PPFIA2: variants seen among roughly 807,000 people sequenced by gnomAD.
The protein encoded by PPFIA2 is liprin-alpha-2.
In PPFIA2, 46 loss-of-function variants were observed where a neutral mutation model predicts 175.5. That is an observed-to-expected ratio of 0.26 (90% CI 0.21 to 0.34). PPFIA2 has a LOEUF of 0.34. Ranked by LOEUF, PPFIA2 falls within the 10% of genes least tolerant of loss-of-function variation. PPFIA2 has a pLI of 1.00. For synonymous variants in PPFIA2, 568 were observed against 511.4 expected, an observed-to-expected ratio of 1.11 and a Z score of -1.49; for missense variants, 1,179 against 1,506.1, an observed-to-expected ratio of 0.78 and a Z score of 3.60.
At chr12:81,352,724 A>T (rs2140925167) in intron 17 of PPFIA2, among the ~76,000 whole-genome samples, 1 of 152,270 alleles carries the variant, frequency 6.6e-6, no homozygotes, top group Non-Finnish European at 1.5e-5. Context: ...TGGTACCTTT[A>T]TTGCAGTATG....
intron 6 of PPFIA2, 60 bp downstream of exon 6, chr12:81,445,496 A>C: frequency 6.6e-7 from 1 of 1,516,684 alleles, no homozygotes; most frequent in Non-Finnish European, 9.0e-7. Flanking sequence ...GATGAAGACA[A>C]AGAGCTTGAT....
chr12:81,443,012 G>C (rs2050519288), intron 6 of PPFIA2, among the ~76,000 whole-genome samples: 1 of 149,044 alleles, frequency 6.7e-6, no homozygotes, highest in Non-Finnish European at 1.5e-5. Context: ...TGAGTCCCTC[G>C]ACAACTAAAT....
chr12:81,386,121 A>T lies in PPFIA2; in HGVS notation c.763-1877T>A, dbSNP rs906666614. ...AAGGCCTCATTTCTAGAAAAAAATTAAAAAAAAAAAATAGGGTGTGGTGGC... is the reference window on the plus strand; with the variant it reads ...AAGGCCTCATTTCTAGAAAAAAATTTAAAAAAAAAAATAGGGTGTGGTGGC... On this transcript the variant is annotated intron_variant, in intron 8 of 32. Transcript: ENST00000549396. Among the ~76,000 whole-genome samples, 4 of 139,844 alleles carry T rather than the reference A, an allele frequency of 2.9e-5. No homozygotes were observed. The South Asian group carries it at 9.1e-4, about 32-fold the overall frequency. The allele number at this position is 139,844 out of a possible 152,430, so 91.7% of individuals were successfully genotyped here. A position where few individuals can be genotyped will look rare whatever the true frequency, so the allele number is the denominator to read the frequency against.
At chr12:81,278,977 G>C (rs935692027) in intron 27 of PPFIA2, among the ~76,000 whole-genome samples, 1 of 152,154 alleles carries the variant, frequency 6.6e-6, no homozygotes, top group Non-Finnish European at 1.5e-5. Flanking sequence ...AATTGCATTA[G>C]GCAGGTGTTG....
intron 4 of PPFIA2, among the ~76,000 whole-genome samples, chr12:81,542,055 T>A (rs1183483575): frequency 6.6e-6 from 1 of 152,040 alleles, no homozygotes; most frequent in African/African-American, 2.4e-5. Flanking sequence ...TCTGTTCTAA[T>A]CCCTGGAACT....
chr12:81,562,918 T>C (rs2070492443), intron 4 of PPFIA2, among the ~76,000 whole-genome samples: 1 of 149,486 alleles, frequency 6.7e-6, no homozygotes, highest in Admixed American at 6.6e-5. Context: ...ACAGTGAATA[T>C]TTCCAATAGG....
At chr12:81,726,505 G>A (rs1407113235) in intron 3 of PPFIA2, among the ~76,000 whole-genome samples, 1 of 151,222 alleles carries the variant, frequency 6.6e-6, no homozygotes, top group Non-Finnish European at 1.5e-5. Flanking sequence ...TTGAGCTACT[G>A]AAAACTTGCA....
intron 4 of PPFIA2, among the ~76,000 whole-genome samples, chr12:81,581,511 C>T (rs2074397732): frequency 6.6e-6 from 1 of 151,778 alleles, no homozygotes; most frequent in Non-Finnish European, 1.5e-5. Context: ...ATTTAAACTG[C>T]ACACTCTAAC....
intron 28 of PPFIA2, among the ~76,000 whole-genome samples, chr12:81,271,820 C>G (rs1198338941): frequency 6.6e-6 from 1 of 152,100 alleles, no homozygotes; most frequent in African/African-American, 2.4e-5. Context: ...TTTACCCATA[C>G]ATTTTTCAGT....
intron 6 of PPFIA2, among the ~76,000 whole-genome samples, chr12:81,445,208 G>C (rs1439554390): frequency 8.8e-6 from 1 of 113,532 alleles, no homozygotes; most frequent in African/African-American, 4.4e-5. Flanking sequence ...GACCAAGGTG[G>C]GGGGGGGGGA....
chr12:81,704,511 A>G (rs962566484), intron 3 of PPFIA2, among the ~76,000 whole-genome samples: 1 of 152,092 alleles, frequency 6.6e-6, no homozygotes, highest in Non-Finnish European at 1.5e-5. Flanking sequence ...ATAAAACTTA[A>G]TGATAGCAAA....
intron 3 of PPFIA2, among the ~76,000 whole-genome samples, chr12:81,686,213 G>A (rs1296513756): frequency 6.6e-6 from 1 of 152,062 alleles, no homozygotes; most frequent in East Asian, 1.9e-4. Flanking sequence ...TGAGGTGGCT[G>A]ATATCCTCTG....
chr12:81,416,837 GAGTT>G (rs1324464465), intron 7 of PPFIA2, among the ~76,000 whole-genome samples: 1 of 151,698 alleles, frequency 6.6e-6, no homozygotes, highest in Non-Finnish European at 1.5e-5. Flanking sequence ...TAAAGATACT[GAGTT>G]AGGCTGAGAA....
intron 9 of PPFIA2, among the ~76,000 whole-genome samples, chr12:81,382,865 T>C (rs1487438332): frequency 6.6e-6 from 1 of 151,994 alleles, no homozygotes; most frequent in East Asian, 1.9e-4. Context: ...GCCATGAGAC[T>C]GCAGAAATTC....
intron 7 of PPFIA2, chr12:81,417,381 CAAATGTGTCG>C (rs59525608): frequency 0.23 from 34,445 of 151,166 alleles, 5,206 homozygotes; most frequent in East Asian, 0.46. Flanking sequence ...CCAATCATGG[CAAATGTGTCG>C]AAATTATAGG....
chr12:81,737,710 A>G lies in PPFIA2; in HGVS notation c.249+16263T>C, dbSNP rs371141830. Among the ~76,000 whole-genome samples the G allele has an allele frequency of 8.0e-4, 122 of 152,182 alleles. 1 individual carries two copies. The highest frequency in any genetic ancestry group is 2.8e-3 in the African/African-American group (117 of 41,562). Reference sequence around the variant, plus strand: ...AACAAATGGAAAAGAATGTTTAAAGATAGTAATCACAACAAAATATTAAAT... The same window carrying G: ...AACAAATGGAAAAGAATGTTTAAAGGTAGTAATCACAACAAAATATTAAAT... On this transcript the variant is annotated intron_variant, in intron 3 of 32. Coordinates refer to ENST00000549396, the MANE Select transcript of PPFIA2 (RefSeq NM_003625.5).
intron 21 of PPFIA2, among the ~76,000 whole-genome samples, chr12:81,328,964 C>T (rs866399939): frequency 2.0e-5 from 3 of 151,820 alleles, no homozygotes; most frequent in East Asian, 1.9e-4. Context: ...CCACTATGCC[C>T]GGCTAGTTTT....
At chr12:81,570,445 C>T (rs1051254283) in intron 4 of PPFIA2, among the ~76,000 whole-genome samples, 1 of 151,772 alleles carries the variant, frequency 6.6e-6, no homozygotes, top group Non-Finnish European at 1.5e-5. Context: ...TGTGTTTGGG[C>T]GAGGTGATGA....
At chr12:81,667,963 C>G (rs1356440315) in intron 4 of PPFIA2, among the ~76,000 whole-genome samples, 2 of 151,946 alleles carry the variant, frequency 1.3e-5, no homozygotes, top group Non-Finnish European at 2.9e-5. Context: ...GGAAAAAAAG[C>G]AAAGTTTTAT....
Sources: gnomAD v4.1 joint callset for allele counts (sites outside exome capture counted in the v4.1 genomes callset) on GRCh38, gnomAD v4.1.1 for gene constraint, MANE v1.5 for transcripts, NCBI Gene and HGNC (gene_info 2026-07-23, HGNC 2026-07-21) for gene names.